The following SGCZ variants were observed in gnomAD, a reference collection of about 807,000 sequenced individuals.
The protein encoded by SGCZ is sarcoglycan zeta.
Under a neutral mutation model 41.3 loss-of-function variants are expected in SGCZ, and 40 were observed. The observed-to-expected ratio is 0.97, with a 90% CI of 0.75 to 1.26. The LOEUF (loss-of-function observed/expected upper bound fraction) is 1.26, where lower values mean the gene tolerates loss of function less well. SGCZ is among the 50% of genes most tolerant of loss of function. The pLI, the probability that SGCZ is intolerant of heterozygous loss-of-function variation, is 0.00. For missense variants in SGCZ, 552 were observed against 369.8 expected, an observed-to-expected ratio of 1.49 and a Z score of -4.04; for synonymous variants, 206 against 137.5, an observed-to-expected ratio of 1.50 and a Z score of -3.49.
At chr8:14,963,718 G>T (rs1250061642) in intron 1 of SGCZ, among the ~76,000 whole-genome samples, 4 of 152,124 alleles carry the variant, frequency 2.6e-5, no homozygotes, top group Non-Finnish European at 5.9e-5. Flanking sequence ...AGTCATGGTT[G>T]TTAAAATTCA....
At chr8:14,684,518 T>C (rs1238111124) in intron 1 of SGCZ, among the ~76,000 whole-genome samples, 2 of 152,022 alleles carry the variant, frequency 1.3e-5, no homozygotes, top group Non-Finnish European at 2.9e-5. Flanking sequence ...GCTGCTGGAG[T>C]TTTGCTAACT....
intron 2 of SGCZ, among the ~76,000 whole-genome samples, chr8:14,363,887 GA>G (rs758072181): frequency 3.9e-5 from 6 of 151,902 alleles, no homozygotes; most frequent in Non-Finnish European, 7.4e-5. Flanking sequence ...TGGTTATTTT[GA>G]AAATGTGTAT....
At chr8:15,030,873 C>T (rs1803635594) in intron 1 of SGCZ, among the ~76,000 whole-genome samples, 1 of 152,122 alleles carries the variant, frequency 6.6e-6, no homozygotes, top group South Asian at 2.1e-4. Context: ...TTAGAGTTAG[C>T]CACTTAAAAG....
In SGCZ at chr8:14,381,982, T is replaced by G. The variant is rs180926909; in HGVS notation, c.235-57778A>C. On this transcript the variant is annotated intron_variant, in intron 2 of 7. Coordinates refer to ENST00000382080, the MANE Select transcript of SGCZ (RefSeq NM_139167.4). ...GGAGATTAGTTCCTTGTTGGTCAAA[T>G]TTGTTCCATGTTTAGCTTTGTCATT... Among the ~76,000 whole-genome samples the G allele has an allele frequency of 3.8e-3, 581 of 152,300 alleles. 1 individual carries two copies. The highest frequency in any genetic ancestry group is 6.4e-3 in the Non-Finnish European group (437 of 68,006).
intron 2 of SGCZ, among the ~76,000 whole-genome samples, chr8:14,400,070 A>C (rs1173676793): frequency 1.3e-5 from 2 of 152,018 alleles, no homozygotes; most frequent in African/African-American, 2.4e-5. Flanking sequence ...TTATGTCTCT[A>C]TATATTTGCT....
chr8:14,295,652 A>G (rs888360933), intron 3 of SGCZ, among the ~76,000 whole-genome samples: 1 of 152,192 alleles, frequency 6.6e-6, no homozygotes, highest in Admixed American at 6.6e-5. Flanking sequence ...CAAAAAATAC[A>G]TAAATGTGAC....
chr8:14,361,495 T>C (rs935156199), intron 2 of SGCZ, among the ~76,000 whole-genome samples: 1 of 152,230 alleles, frequency 6.6e-6, no homozygotes, highest in African/African-American at 2.4e-5. Context: ...TGTGTATGCT[T>C]CACAAAGTTC....
At chr8:14,103,785 A>T (rs925320215) in intron 6 of SGCZ, among the ~76,000 whole-genome samples, 4 of 151,876 alleles carry the variant, frequency 2.6e-5, no homozygotes, top group African/African-American at 4.8e-5. Flanking sequence ...TATTTTTTTT[A>T]TTAAAACTCC....
chr8:14,832,357 G>A (rs1802561356), intron 1 of SGCZ, among the ~76,000 whole-genome samples: 1 of 152,106 alleles, frequency 6.6e-6, no homozygotes, highest in Non-Finnish European at 1.5e-5. Flanking sequence ...CTAAAAGATT[G>A]CTCAAGAACA....
At chr8:14,991,618 G>A (rs1403240047) in intron 1 of SGCZ, among the ~76,000 whole-genome samples, 2 of 151,970 alleles carry the variant, frequency 1.3e-5, no homozygotes, top group African/African-American at 2.4e-5. Context: ...CCCCATATCT[G>A]GTCATCTTCT....
chr8:15,012,006 A>T lies in SGCZ; in HGVS notation c.39+225579T>A, dbSNP rs145037825. Reference sequence around the variant, plus strand: ...AGCTCTATTAGAAGGTCACATTTGCATCTATTTTTGAACTTGCACACAGAA... The same window carrying T: ...AGCTCTATTAGAAGGTCACATTTGCTTCTATTTTTGAACTTGCACACAGAA... On this transcript the variant is annotated intron_variant, in intron 1 of 7. Transcript: ENST00000382080. Among the ~76,000 whole-genome samples the T allele has an allele frequency of 2.6e-5, 4 of 152,290 alleles. No individual in the cohort carries two copies. In the East Asian group the frequency reaches 7.7e-4, roughly 29 times the overall value.
chr8:14,909,432 T>C (rs1262881751), intron 1 of SGCZ, among the ~76,000 whole-genome samples: 5 of 152,186 alleles, frequency 3.3e-5, no homozygotes, highest in Non-Finnish European at 5.9e-5. Context: ...TGAATAGAAT[T>C]CTGCCTTTTT....
At chr8:14,530,848 G>T (rs988552237) in intron 2 of SGCZ, among the ~76,000 whole-genome samples, 1 of 152,062 alleles carries the variant, frequency 6.6e-6, no homozygotes, top group Non-Finnish European at 1.5e-5. Context: ...AATAGTTCTT[G>T]TAGTGATAAA....
intron 1 of SGCZ, among the ~76,000 whole-genome samples, chr8:14,831,745 A>G (rs532598212): frequency 7.1e-6 from 1 of 141,286 alleles, no homozygotes; most frequent in African/African-American, 2.6e-5. Context: ...TGTTAGAAGG[A>G]AGATCTGTAT....
At chr8:14,885,985 T>A (rs1313421262) in intron 1 of SGCZ, among the ~76,000 whole-genome samples, 153 of 55,968 alleles carry the variant, frequency 2.7e-3, no homozygotes, top group African/African-American at 9.8e-3. Context: ...GGACTTTATG[T>A]TATATATATA....
Position 14,715,480 on chromosome 8 carries a change from C to T in SGCZ, c.40-160554G>A, listed in dbSNP as rs569607192. Among the ~76,000 whole-genome samples the T allele has an allele frequency of 2.6e-5, 4 of 151,974 alleles. No individual in the cohort carries two copies. In the South Asian group the frequency reaches 8.3e-4, roughly 32 times the overall value. ...AGGTTGCATGTACCATAACTTCAAC[C>T]TGTAACAAAAAACTAGAGCCCAAGT... On this transcript the variant is annotated intron_variant, in intron 1 of 7. Transcript: ENST00000382080.
At chr8:15,085,274 T>C (rs7824948) in intron 1 of SGCZ, among the ~76,000 whole-genome samples, 98,579 of 151,970 alleles carry the variant, frequency 0.65, 32,844 homozygotes, top group Non-Finnish European at 0.73. Context: ...CCATTCGAAC[T>C]TTCTATTAAT....
chr8:14,619,516 T>C (rs913869817), intron 1 of SGCZ, among the ~76,000 whole-genome samples: 1 of 152,146 alleles, frequency 6.6e-6, no homozygotes, highest in Non-Finnish European at 1.5e-5. Flanking sequence ...TGTCTGCAGA[T>C]GACATGACTG....
chr8:15,129,715 A>AAAAC (rs1270337954), intron 1 of SGCZ, among the ~76,000 whole-genome samples: 1 of 151,548 alleles, frequency 6.6e-6, no homozygotes, highest in South Asian at 2.1e-4. Flanking sequence ...TGCAAAAAAA[A>AAAAC]AAAAAAAAAA....
Sources: allele counts gnomAD v4.1 joint callset (sites outside exome capture counted in the v4.1 genomes callset), GRCh38; gene constraint gnomAD v4.1.1; transcripts MANE v1.5; gene names NCBI Gene and HGNC (gene_info 2026-07-23, HGNC 2026-07-21).